CENPA: variants seen among roughly 807,000 people sequenced by gnomAD.
The protein encoded by CENPA is centromere protein A.
A neutral mutation model predicts 17.2 loss-of-function variants in CENPA; 7 were observed. The observed-to-expected ratio is 0.41, with a 90% confidence interval of 0.23 to 0.76. The LOEUF (loss-of-function observed/expected upper bound fraction) is 0.76, where lower values mean the gene tolerates loss of function less well. Among genes scored for constraint, CENPA ranks in the 30% least tolerant of loss-of-function variants. The probability of loss-of-function intolerance (pLI) is 0.34; values close to 1 mark genes in which losing one functional copy is unlikely to be tolerated. For synonymous variants in CENPA, 82 were observed against 77.4 expected (o/e 1.06, Z -0.31); for missense variants, 149 against 193.1 (o/e 0.77, Z 1.35).
At position 26,786,290 on chromosome 2, in the gene CENPA, T is replaced by A; in HGVS notation, c.94T>A (p.Ser32Thr). 1 of 1,328,144 alleles carries A rather than the reference T, an allele frequency of 7.5e-7. No homozygotes were observed. Among genetic ancestry groups the A allele is most frequent in the Non-Finnish European group, 9.6e-7 (1 of 1,042,016 alleles). The allele number at this position is 1,328,144 out of a possible 1,614,324, so 82.3% of individuals were successfully genotyped here. A position where few individuals can be genotyped will look rare whatever the true frequency, so the allele number is the denominator to read the frequency against. The change falls in exon 1 of 5, where the codon TCC becomes ACC. Residue 32 changes from serine to threonine, a missense_variant. Coordinates refer to ENST00000335756, the MANE Select transcript of CENPA (RefSeq NM_001809.4). ...PTPGPSRRGP[S>T]LGASSHQHSR... is the part of the protein sequence containing the mutation. ...CCCCGGCCCCTCCCGGCGGGGCCCC[T>A]CCTTAGGTAACCGGCCGCGGCCCCA...
Position 26,786,201 on chromosome 2 carries a change from G to T in CENPA, c.5G>T (p.Gly2Val), listed in dbSNP as rs776483424. The change falls in exon 1 of 5, where the codon GGC becomes GTC. Residue 2 changes from glycine (G) to valine (V), a missense_variant. Physicochemically the swap from Gly to Val is moderately radical, Grantham distance 109. Coordinates refer to ENST00000335756, the MANE Select transcript of CENPA (RefSeq NM_001809.4). Reference sequence around the variant, plus strand: ...CAGCACCCTCTGCGGCGTGTCATGGGCCCGCGCCGCCGGAGCCGAAAGCCC... The same window carrying T: ...CAGCACCCTCTGCGGCGTGTCATGGTCCCGCGCCGCCGGAGCCGAAAGCCC... Reference protein sequence around the residue: MGPRRRSRKPEA... With the variant: MVPRRRSRKPEA... 1.4e-6 allele frequency: 2 copies of T among 1,443,144 alleles called. No individual in the cohort carries two copies. The highest frequency in any genetic ancestry group is 2.7e-5 in the South Asian group (2 of 73,564). 89.4% of individuals were successfully genotyped at this position (1,443,144 alleles called of 1,614,324 possible).
chr2:26,786,196 C>A lies in CENPA; in HGVS notation c.-1C>A. ...GGCGCCAGCACCCTCTGCGGCGTGT[C>A]ATGGGCCCGCGCCGCCGGAGCCGAA... On this transcript the variant is annotated 5_prime_UTR_variant, in exon 1 of 5. Transcript: ENST00000335756. 6.9e-7 allele frequency: 1 copy of A among 1,444,536 alleles called. No individual in the cohort carries two copies. The highest frequency in any genetic ancestry group is 1.4e-5 in the South Asian group (1 of 73,758). The allele number at this position is 1,444,536 out of a possible 1,614,324, so 89.5% of individuals were successfully genotyped here. A position where few individuals can be genotyped will look rare whatever the true frequency, so the allele number is the denominator to read the frequency against.
At chr2:26,787,761 G>C (rs895958044) in intron 1 of CENPA, among the ~76,000 whole-genome samples, 4 of 152,136 alleles carry the variant, frequency 2.6e-5, no homozygotes, top group Non-Finnish European at 5.9e-5. Flanking sequence ...TTGCTGTTGC[G>C]AATGGGATTT....
intron 1 of CENPA, among the ~76,000 whole-genome samples, chr2:26,789,668 GCACAACTACCCACCCA>G (rs1348732526): frequency 6.6e-6 from 1 of 151,944 alleles, no homozygotes; most frequent in African/African-American, 2.4e-5. Context: ...TCAGTAAATG[GCACAACTACCCACCCA>G]GTTGTTCAAA....
chr2:26,791,971 C>G (rs140589208), intron 1 of CENPA, among the ~76,000 whole-genome samples, 160 bp from the exon 2 acceptor site: 161 of 152,332 alleles, frequency 1.1e-3, no homozygotes, highest in African/African-American at 3.7e-3. Context: ...TTTGCCATAA[C>G]TGCAATGACT....
At chr2:26,792,716 C>G (rs1664643521) in intron 2 of CENPA, 40 bp from the exon 3 acceptor site, 2 of 1,502,024 alleles carry the variant, frequency 1.3e-6, no homozygotes, top group African/African-American at 2.8e-5. Context: ...TCTTCTGTTA[C>G]TCCCTACTCC....
chr2:26,786,876 CCTTCCAGAG>C (rs2148065172), intron 1 of CENPA, among the ~76,000 whole-genome samples: 2 of 152,286 alleles, frequency 1.3e-5, no homozygotes, highest in South Asian at 4.2e-4. Context: ...CACTCTGTTG[CCTTCCAGAG>C]CTTGTGTCCG....
intron 2 of CENPA, chr2:26,792,514 AT>A: frequency 1.4e-6 from 1 of 712,650 alleles, no homozygotes; most frequent in Non-Finnish European, 2.6e-6. Context: ...CCCTTTTCCT[AT>A]CCTGGGAGAT....
In CENPA at chr2:26,794,062, CAT is replaced by C. The variant is rs1465366808; in HGVS notation, c.*299_*300del. On this transcript the variant is annotated 3_prime_UTR_variant, in exon 5 of 5. Transcript: ENST00000335756. ...GGTTGACTTTAGTTTGTGAGTTACT[CAT>C]GTGACTATTTGAGGATTTTGAAAAC... 7.2e-5 allele frequency: 11 copies of C among 152,198 alleles called. No homozygotes were observed. The highest frequency in any genetic ancestry group is 2.7e-4 in the African/African-American group (11 of 41,452). 9.4% of individuals were successfully genotyped at this position (152,198 alleles called of 1,614,324 possible).
chr2:26,786,226 C>G lies in CENPA; in HGVS notation c.30C>G (p.Pro10=), dbSNP rs2148064781. 1 of 1,432,598 alleles carries G rather than the reference C, an allele frequency of 7.0e-7. No individual in the cohort carries two copies. The highest frequency in any genetic ancestry group is 1.4e-5 in the South Asian group (1 of 71,576). 88.7% of individuals were successfully genotyped at this position (1,432,598 alleles called of 1,614,324 possible). A position where few individuals can be genotyped will look rare whatever the true frequency, so the allele number is the denominator to read the frequency against. The change falls in exon 1 of 5, where the codon CCC becomes CCG. Residue 10 remains proline, a synonymous_variant. Coordinates refer to ENST00000335756, the MANE Select transcript of CENPA (RefSeq NM_001809.4). The stretch of plus-strand genomic sequence containing the variant: ...GCCCGCGCCGCCGGAGCCGAAAGCC[C>G]GAGGCCCCGAGGAGGCGCAGCCCGA... The part of the protein sequence containing the change: MGPRRRSRK[P]EAPRRRSPSP...
chr2:26,792,270 T>A, intron 2 of CENPA, 30 bp downstream of exon 2: 1 of 1,547,716 alleles, frequency 6.5e-7, no homozygotes, highest in Non-Finnish European at 8.8e-7. Context: ...CACCAACCCC[T>A]ATGCCACCCT....
intron 1 of CENPA, 104 bp from the exon 2 acceptor site, chr2:26,792,027 G>T: frequency 1.1e-6 from 1 of 924,656 alleles, no homozygotes; most frequent in South Asian, 1.4e-5. Flanking sequence ...GCTCTGTGGA[G>T]GGTAGGCACA....
chr2:26,791,227 T>A (rs1377419529), intron 1 of CENPA, among the ~76,000 whole-genome samples: 5 of 152,254 alleles, frequency 3.3e-5, no homozygotes, highest in Admixed American at 2.0e-4. Context: ...AGGAACACTT[T>A]AAGGCTATGC....
chr2:26,786,621 C>T (rs1664513078), intron 1 of CENPA, among the ~76,000 whole-genome samples: 1 of 152,260 alleles, frequency 6.6e-6, no homozygotes, highest in African/African-American at 2.4e-5. Flanking sequence ...ATATTGTGCC[C>T]ATTTTACAGC....
chr2:26,793,908 C>CT lies in CENPA; in HGVS notation c.*147dup, dbSNP rs1664667328. 6.6e-6 allele frequency: 1 copy of CT among 152,258 alleles called. No individual in the cohort carries two copies. Among genetic ancestry groups the CT allele is most frequent in the East Asian group, 1.9e-4 (1 of 5,190 alleles). 9.4% of individuals were successfully genotyped at this position (152,258 alleles called of 1,614,324 possible). On this transcript the variant is annotated 3_prime_UTR_variant, in exon 5 of 5. Transcript: ENST00000335756. Reference sequence around the variant, plus strand: ...GTCTCTGAACAGTATGTGTGTGTTGCTTTAAATATTTTTCTTTTTTTTGAG... The same window carrying CT: ...GTCTCTGAACAGTATGTGTGTGTTGCTTTTAAATATTTTTCTTTTTTTTGAG...
chr2:26,788,393 T>A (rs945215431), intron 1 of CENPA, among the ~76,000 whole-genome samples: 5 of 152,004 alleles, frequency 3.3e-5, no homozygotes, highest in Non-Finnish European at 5.9e-5. Context: ...GTGCCTGGCC[T>A]TTGTCTGGAA....
Position 26,793,684 on chromosome 2 carries a change from AAAACTTTCTAAT to A in CENPA, c.*48-112_*48-101del, listed in dbSNP as rs138153971. 1,497 of 153,284 alleles carry A rather than the reference AAAACTTTCTAAT, an allele frequency of 9.8e-3. 28 individuals are homozygous for A. The highest frequency in any genetic ancestry group is 0.033 in the African/African-American group (1,369 of 41,598). 9.5% of individuals were successfully genotyped at this position (153,284 alleles called of 1,614,324 possible). ...CAGATGACCTCATTTTGATTAAGAGAAAACTTTCTAATAAACTTTCTAATAAAAGAGAACACT... is the reference window on the plus strand; with the variant it reads ...CAGATGACCTCATTTTGATTAAGAGAAAACTTTCTAATAAAAGAGAACACT... On this transcript the variant is annotated intron_variant, in intron 4 of 4. Coordinates refer to ENST00000335756, the MANE Select transcript of CENPA (RefSeq NM_001809.4).
chr2:26,786,976 G>A (rs1664519171), intron 1 of CENPA, among the ~76,000 whole-genome samples: 1 of 152,242 alleles, frequency 6.6e-6, no homozygotes, highest in African/African-American at 2.4e-5. Flanking sequence ...GGAGGCAGAT[G>A]CCTGTATGGT....
At chr2:26,787,832 G>A (rs539473717) in intron 1 of CENPA, among the ~76,000 whole-genome samples, 3 of 152,186 alleles carry the variant, frequency 2.0e-5, no homozygotes, top group Admixed American at 2.0e-4. Flanking sequence ...CTGAATTCTC[G>A]TTCACCCTAG....
Sources: gnomAD v4.1 joint callset for allele counts (sites outside exome capture counted in the v4.1 genomes callset) on GRCh38, gnomAD v4.1.1 for gene constraint, MANE v1.5 for transcripts, NCBI Gene and HGNC (gene_info 2026-07-23, HGNC 2026-07-21) for gene names.